DPP6: variants seen among roughly 807,000 people sequenced by gnomAD.
The protein encoded by DPP6 is dipeptidyl peptidase like 6.
In DPP6, 69 loss-of-function variants were observed where a neutral mutation model predicts 122.6. The ratio of observed to expected loss-of-function variants is 0.56; its 90% CI spans 0.46 to 0.69. DPP6 has a LOEUF of 0.69. Ranked by LOEUF, DPP6 falls within the 30% of genes least tolerant of loss-of-function variation. DPP6 has a pLI of 0.00. For synonymous variants in DPP6, 418 were observed against 433.1 expected (o/e 0.97, Z 0.43); for missense variants, 928 against 1,116.9 (o/e 0.83, Z 2.41).
intron 1 of DPP6, among the ~76,000 whole-genome samples, chr7:154,027,465 G>A (rs1799003129): frequency 6.6e-6 from 1 of 152,260 alleles, no homozygotes; most frequent in South Asian, 2.1e-4. Flanking sequence ...GTGTCCTCAT[G>A]TGGTGGAAGG....
chr7:153,773,782 C>A, the DPP6 span, among the ~76,000 whole-genome samples: 1 of 150,050 alleles, frequency 6.7e-6, no homozygotes, highest in Non-Finnish European at 1.5e-5. Flanking sequence ...ATCTAAGCTT[C>A]CCTCTTAAGA....
chr7:154,294,419 A>G (rs1456694817), intron 1 of DPP6, among the ~76,000 whole-genome samples: 1 of 152,064 alleles, frequency 6.6e-6, no homozygotes, highest in African/African-American at 2.4e-5. Context: ...AATGTCATTT[A>G]TATTGTCATT....
intron 1 of DPP6, among the ~76,000 whole-genome samples, chr7:154,350,695 C>T (rs893305627): frequency 6.6e-6 from 1 of 152,184 alleles, no homozygotes; most frequent in South Asian, 2.1e-4. Flanking sequence ...TCAGGTTCAA[C>T]TGCCCGTTGC....
intron 1 of DPP6, among the ~76,000 whole-genome samples, chr7:154,102,259 G>A (rs976296331): frequency 1.8e-4 from 27 of 151,954 alleles, no homozygotes; most frequent in Admixed American, 1.6e-3. Context: ...GCACAGTCTC[G>A]GCTCACTGCA....
chr7:154,584,589 T>C (rs1474279193), intron 5 of DPP6, among the ~76,000 whole-genome samples: 1 of 152,006 alleles, frequency 6.6e-6, no homozygotes, highest in African/African-American at 2.4e-5. Context: ...GTGAAAGGAG[T>C]GTTTGCCACG....
chr7:154,075,429 A>G (rs1182428416), intron 1 of DPP6, among the ~76,000 whole-genome samples: 1 of 151,956 alleles, frequency 6.6e-6, no homozygotes, highest in Non-Finnish European at 1.5e-5. Context: ...ACCAAGGAGT[A>G]GAGAAAGAAA....
chr7:154,701,977 G>A (rs1840556142), intron 7 of DPP6, among the ~76,000 whole-genome samples: 1 of 152,216 alleles, frequency 6.6e-6, no homozygotes, highest in South Asian at 2.1e-4. Context: ...GCTTTGAGCA[G>A]GTCTGTTGGG....
chr7:154,033,748 C>G (rs548954537), intron 1 of DPP6, among the ~76,000 whole-genome samples: 2 of 152,288 alleles, frequency 1.3e-5, no homozygotes, highest in African/African-American at 4.8e-5. Flanking sequence ...AATCACAGTT[C>G]TTGTTTGGAA....
intron 1 of DPP6, among the ~76,000 whole-genome samples, chr7:154,330,858 T>C (rs1215586288): frequency 1.3e-5 from 2 of 152,116 alleles, no homozygotes; most frequent in African/African-American, 4.8e-5. Context: ...TCCTCTCCAC[T>C]CCCCGAAGGC....
chr7:154,685,564 T>G (rs1393358593), intron 7 of DPP6, among the ~76,000 whole-genome samples: 2 of 152,204 alleles, frequency 1.3e-5, no homozygotes, highest in Non-Finnish European at 2.9e-5. Context: ...TTAATAAACT[T>G]TGAAGTTTCA....
At chr7:154,781,819 G>A (rs895383962) in intron 10 of DPP6, among the ~76,000 whole-genome samples, 2 of 151,996 alleles carry the variant, frequency 1.3e-5, no homozygotes, top group Non-Finnish European at 2.9e-5. Context: ...TGTTCCCCTC[G>A]CCCTTTACTG....
Position 154,102,414 on chromosome 7 carries a change from C to A in DPP6, c.243+49351C>A, listed in dbSNP as rs184388464. 7.8e-3 allele frequency among the ~76,000 whole-genome samples: 1,193 copies of A among 152,268 alleles called. 18 individuals carry two copies. Among genetic ancestry groups the A allele is most frequent in the African/African-American group, 0.027 (1,105 of 41,552 alleles). On this transcript the variant is annotated intron_variant, in intron 1 of 25. Transcript: ENST00000377770. The stretch of plus-strand genomic sequence containing the variant: ...ATGTTGGCCAGGCTGGTCTCAGACT[C>A]CTGACCTCAGGTAATCCGCCCGCCT...
At chr7:154,583,473 A>T (rs11982082) in intron 5 of DPP6, among the ~76,000 whole-genome samples, 5,549 of 151,918 alleles carry the variant, frequency 0.037, 341 homozygotes, top group African/African-American at 0.13. Flanking sequence ...ACTTGATTGG[A>T]TTTCCCAGTC....
intron 7 of DPP6, among the ~76,000 whole-genome samples, chr7:154,671,482 C>T (rs955251481): frequency 3.9e-5 from 6 of 152,008 alleles, no homozygotes; most frequent in African/African-American, 1.2e-4. Flanking sequence ...TATCACCCAG[C>T]GGCTGTAACT....
intron 8 of DPP6, among the ~76,000 whole-genome samples, chr7:154,748,779 C>G (rs965660149): frequency 2.6e-4 from 39 of 152,196 alleles, no homozygotes; most frequent in African/African-American, 8.9e-4. Flanking sequence ...TTGGAACGGA[C>G]GTGCCTATAA....
At chr7:154,545,506 T>G (rs1417266152) in intron 4 of DPP6, among the ~76,000 whole-genome samples, 1 of 146,972 alleles carries the variant, frequency 6.8e-6, no homozygotes, top group African/African-American at 2.5e-5. Flanking sequence ...CATCCTTCCT[T>G]CCTTCCTTCC....
At chr7:153,980,366 G>A (rs931067173) in intron 1 of DPP6, among the ~76,000 whole-genome samples, 3 of 152,160 alleles carry the variant, frequency 2.0e-5, no homozygotes, top group Admixed American at 6.5e-5. Context: ...ATGGTAGTGT[G>A]TATTTTGTGT....
intron 1 of DPP6, among the ~76,000 whole-genome samples, chr7:154,177,206 G>A (rs1183373482): frequency 1.3e-5 from 2 of 152,136 alleles, no homozygotes; most frequent in African/African-American, 2.4e-5. Context: ...AAGAAATATA[G>A]GCAGGTGCTG....
chr7:153,798,620 T>A, the DPP6 span, among the ~76,000 whole-genome samples: 1 of 152,322 alleles, frequency 6.6e-6, no homozygotes, highest in East Asian at 1.9e-4. Flanking sequence ...AAGATAATTG[T>A]TCCATGGACC....
Sources: allele counts gnomAD v4.1 joint callset (sites outside exome capture counted in the v4.1 genomes callset), GRCh38; gene constraint gnomAD v4.1.1; transcripts MANE v1.5; gene names NCBI Gene and HGNC (gene_info 2026-07-23, HGNC 2026-07-21).